Variants in RIMBP2 observed in about 807,000 individuals in gnomAD.
The protein encoded by RIMBP2 is RIMS-binding protein 2.
RIMBP2 carries 48 observed loss-of-function variants against 118.6 expected under a neutral mutation model. That is an observed-to-expected ratio of 0.40 (90% CI 0.32 to 0.51). The LOEUF is 0.51. Among genes scored for constraint, RIMBP2 ranks in the 20% least tolerant of loss-of-function variants. The probability of loss-of-function intolerance (pLI) is 0.41; values close to 1 mark genes in which losing one functional copy is unlikely to be tolerated. For synonymous variants in RIMBP2, 762 were observed against 742.9 expected, an observed-to-expected ratio of 1.03 and a Z score of -0.42; for missense variants, 1,551 against 1,768.3, an observed-to-expected ratio of 0.88 and a Z score of 2.20.
At chr12:130,513,571 T>A (rs973029562) in intron 3 of RIMBP2, among the ~76,000 whole-genome samples, 1 of 152,216 alleles carries the variant, frequency 6.6e-6, no homozygotes, top group Non-Finnish European at 1.5e-5. Flanking sequence ...TTGAATTATT[T>A]TTCTGAAATC....
intron 1 of RIMBP2, among the ~76,000 whole-genome samples, chr12:130,641,224 A>G (rs2062604020): frequency 6.6e-6 from 1 of 152,158 alleles, no homozygotes; most frequent in Non-Finnish European, 1.5e-5. Context: ...AAGGACAGAA[A>G]GCTAAATCGT....
intron 1 of RIMBP2, among the ~76,000 whole-genome samples, chr12:130,637,225 C>T (rs1039775515): frequency 6.6e-6 from 1 of 152,212 alleles, no homozygotes; most frequent in African/African-American, 2.4e-5. Context: ...TAAAGCCCCA[C>T]CGCATCTCCC....
intron 11 of RIMBP2, among the ~76,000 whole-genome samples, chr12:130,439,499 G>A (rs943796966): frequency 1.1e-4 from 17 of 148,730 alleles, no homozygotes; most frequent in Admixed American, 2.7e-4. Flanking sequence ...GTGTGTGTGC[G>A]TGTCTGTGGG....
At chr12:130,436,669 C>CA (rs1031461622) in intron 13 of RIMBP2, among the ~76,000 whole-genome samples, 173 bp downstream of exon 13, 10 of 152,256 alleles carry the variant, frequency 6.6e-5, no homozygotes, top group African/African-American at 2.4e-4. Context: ...CCATTTAACT[C>CA]AGTCAGGATC....
At chr12:130,556,908 C>T (rs376730557) in intron 2 of RIMBP2, among the ~76,000 whole-genome samples, 1 of 152,136 alleles carries the variant, frequency 6.6e-6, no homozygotes, top group African/African-American at 2.4e-5. Flanking sequence ...GGTGCAGAGA[C>T]GTCTTGCATC....
At chr12:130,551,726 G>C (rs2055806364) in intron 2 of RIMBP2, among the ~76,000 whole-genome samples, 1 of 152,136 alleles carries the variant, frequency 6.6e-6, no homozygotes, top group South Asian at 2.1e-4. Flanking sequence ...GAAAGAGAAG[G>C]GACTCCATCT....
chr12:130,614,439 A>G (rs2060772251), intron 2 of RIMBP2, among the ~76,000 whole-genome samples: 1 of 152,202 alleles, frequency 6.6e-6, no homozygotes, highest in African/African-American at 2.4e-5. Context: ...AAGAGCAGTA[A>G]CAGACAGCGC....
chr12:130,662,835 G>A (rs901343747), intron 1 of RIMBP2, among the ~76,000 whole-genome samples: 1 of 151,932 alleles, frequency 6.6e-6, no homozygotes, highest in Non-Finnish European at 1.5e-5. Context: ...GCACTCCTAT[G>A]GTCCCAGCTA....
chr12:130,708,101 T>G (rs1031885776), intron 1 of RIMBP2, among the ~76,000 whole-genome samples: 5 of 151,970 alleles, frequency 3.3e-5, no homozygotes, highest in African/African-American at 1.2e-4. Context: ...GGGTGAACCT[T>G]GAGGATGCTG....
chr12:130,438,596 A>C, intron 11 of RIMBP2, 80 bp from the exon 12 acceptor site: 4 of 1,238,230 alleles, frequency 3.2e-6, no homozygotes, highest in Non-Finnish European at 3.2e-6. Flanking sequence ...TGCCCATCTC[A>C]CCTGGAAACG....
intron 2 of RIMBP2, among the ~76,000 whole-genome samples, chr12:130,551,551 TC>T (rs2055787762): frequency 9.3e-6 from 1 of 107,972 alleles, no homozygotes. Flanking sequence ...TTCTTAGATT[TC>T]TTTTTTTTCT....
chr12:130,401,276 C>T (rs978786252), intron 21 of RIMBP2, among the ~76,000 whole-genome samples: 4 of 152,058 alleles, frequency 2.6e-5, no homozygotes, highest in Admixed American at 6.5e-5. Context: ...CCACCATGCC[C>T]GGCTAATTTT....
chr12:130,441,553 G>A (rs1045394193), intron 11 of RIMBP2, among the ~76,000 whole-genome samples: 2 of 152,096 alleles, frequency 1.3e-5, no homozygotes, highest in African/African-American at 4.8e-5. Flanking sequence ...TGACACGGAA[G>A]ATGTAACCGT....
intron 7 of RIMBP2, among the ~76,000 whole-genome samples, chr12:130,453,606 C>T (rs2079173703): frequency 6.6e-6 from 1 of 152,220 alleles, no homozygotes; most frequent in Non-Finnish European, 1.5e-5. Context: ...GCACGGACGG[C>T]CCCCACTCAC....
intron 21 of RIMBP2, 27 bp from the exon 22 acceptor site, chr12:130,399,840 A>T (rs764932372): frequency 9.3e-6 from 15 of 1,612,696 alleles, no homozygotes; most frequent in Non-Finnish European, 1.1e-5. Context: ...GAGGCAGAAG[A>T]ACTATTTATT....
chr12:130,458,010 T>C (rs949976168), intron 6 of RIMBP2, among the ~76,000 whole-genome samples: 3 of 152,092 alleles, frequency 2.0e-5, no homozygotes, highest in Non-Finnish European at 4.4e-5. Flanking sequence ...CAGGGCTTTG[T>C]CTGCCTGTTT....
chr12:130,588,648 C>T (rs761754588), intron 2 of RIMBP2, among the ~76,000 whole-genome samples: 4 of 152,214 alleles, frequency 2.6e-5, no homozygotes, highest in African/African-American at 4.8e-5. Context: ...GACAAGAAAG[C>T]GAGTCCAATG....
intron 6 of RIMBP2, among the ~76,000 whole-genome samples, chr12:130,468,424 T>C (rs1307047791): frequency 6.6e-6 from 1 of 152,190 alleles, no homozygotes; most frequent in Non-Finnish European, 1.5e-5. Flanking sequence ...CACAAGCTCC[T>C]GGGCGCTGCT....
chr12:130,401,871 T>A (rs2074614498), intron 21 of RIMBP2, among the ~76,000 whole-genome samples: 1 of 152,148 alleles, frequency 6.6e-6, no homozygotes, highest in Non-Finnish European at 1.5e-5. Context: ...TTGGGGAGTG[T>A]GTTCTGTGAA....
Sources: allele counts gnomAD v4.1 joint callset (sites outside exome capture counted in the v4.1 genomes callset), GRCh38; gene constraint gnomAD v4.1.1; transcripts MANE v1.5; gene names NCBI Gene and HGNC (gene_info 2026-07-23, HGNC 2026-07-21).